Variants in CDH4 observed in about 807,000 individuals in gnomAD.
CDH4 encodes the protein cadherin 4.
In CDH4, 33 loss-of-function variants were observed where a neutral mutation model predicts 86.0. The observed-to-expected ratio is 0.38, with a 90% CI of 0.29 to 0.51. The LOEUF is 0.51. Ranked by LOEUF, CDH4 falls within the 20% of genes least tolerant of loss-of-function variation. The pLI, the probability that CDH4 is intolerant of heterozygous loss-of-function variation, is 0.86. For synonymous variants in CDH4, 555 were observed against 549.4 expected (o/e 1.01, Z -0.14); for missense variants, 1,114 against 1,307.4 (o/e 0.85, Z 2.28).
chr20:61,895,126 C>T lies in CDH4; in HGVS notation c.1188+79C>T, dbSNP rs1447911417. ...ACTGGCGTGCGGCACAGCCTCCTCT[C>T]TCTCTGCGGCTCTGCCTGACGGGCA... On this transcript the variant is annotated intron_variant, in intron 8 of 15. Transcript: ENST00000614565. The T allele has an allele frequency of 2.0e-6, 3 of 1,499,260 alleles. No individual in the cohort carries two copies. The African/African-American group carries it at 4.2e-5, about 21-fold the overall frequency. 92.9% of individuals were successfully genotyped at this position (1,499,260 alleles called of 1,614,324 possible). A position where few individuals can be genotyped will look rare whatever the true frequency, so the allele number is the denominator to read the frequency against.
intron 2 of CDH4, among the ~76,000 whole-genome samples, chr20:61,546,417 G>A (rs1245917752): frequency 3.3e-5 from 5 of 151,764 alleles, no homozygotes; most frequent in African/African-American, 2.4e-5. Context: ...GTGTGTGTGC[G>A]TTAGATGCCC....
At chr20:61,612,886 C>T (rs986482216) in intron 2 of CDH4, among the ~76,000 whole-genome samples, 13 of 152,068 alleles carry the variant, frequency 8.5e-5, no homozygotes, top group African/African-American at 3.1e-4. Context: ...TGGTCTTTGG[C>T]CGTTTCTCTG....
intron 2 of CDH4, among the ~76,000 whole-genome samples, chr20:61,460,135 A>G (rs555492621): frequency 1.3e-5 from 2 of 152,336 alleles, no homozygotes; most frequent in East Asian, 3.9e-4. Flanking sequence ...TGCAAGGTGT[A>G]AAACTCAAGG....
At chr20:61,528,193 T>C (rs1282742917) in intron 2 of CDH4, among the ~76,000 whole-genome samples, 1 of 148,256 alleles carries the variant, frequency 6.7e-6, no homozygotes. Flanking sequence ...TTGGCCAACA[T>C]GGCGAAACCC....
In CDH4 at chr20:61,726,245, G is replaced by T. The variant is rs141223167; in HGVS notation, c.170-17318G>T. On this transcript the variant is annotated intron_variant, in intron 2 of 15. Transcript: ENST00000614565. ...AGGAGCCGAAAAGCAGCTGGGAGCCGCCAGTGACCATTGGCACCAGCACAG... is the reference window on the plus strand; with the variant it reads ...AGGAGCCGAAAAGCAGCTGGGAGCCTCCAGTGACCATTGGCACCAGCACAG... Among the ~76,000 whole-genome samples the T allele has an allele frequency of 1.7e-4, 26 of 152,182 alleles. No individual in the cohort carries two copies. In the East Asian group the frequency reaches 4.7e-3, roughly 27 times the overall value.
chr20:61,323,326 A>G (rs1335834763), intron 2 of CDH4, among the ~76,000 whole-genome samples: 1 of 152,014 alleles, frequency 6.6e-6, no homozygotes, highest in East Asian at 1.9e-4. Context: ...CTCATCACAC[A>G]TTTGTTCATC....
intron 2 of CDH4, chr20:61,600,013 A>C (rs2086587293): frequency 1.1e-6 from 1 of 908,848 alleles, no homozygotes; most frequent in African/African-American, 1.8e-5. Flanking sequence ...ATGATGGGGA[A>C]AGTGTGAAGG....
At chr20:61,284,874 G>A (rs146502208) in intron 2 of CDH4, among the ~76,000 whole-genome samples, 2 of 152,338 alleles carry the variant, frequency 1.3e-5, no homozygotes, top group East Asian at 1.9e-4. Context: ...TGTGACGTAG[G>A]TGAAAAGCAG....
chr20:61,934,943 TCA>T (rs1280029823), intron 15 of CDH4, among the ~76,000 whole-genome samples: 11 of 152,236 alleles, frequency 7.2e-5, no homozygotes, highest in African/African-American at 2.7e-4. Context: ...AGGGCAACAC[TCA>T]GTTTCCACTT....
At chr20:61,577,190 T>C (rs2086388523) in intron 2 of CDH4, among the ~76,000 whole-genome samples, 1 of 152,138 alleles carries the variant, frequency 6.6e-6, no homozygotes, top group South Asian at 2.1e-4. Context: ...GTGTGTGTAC[T>C]GAAGGTTGAG....
intron 2 of CDH4, among the ~76,000 whole-genome samples, chr20:61,473,624 G>C (rs2085518188): frequency 6.6e-6 from 1 of 152,096 alleles, no homozygotes; most frequent in Admixed American, 6.5e-5. Context: ...TATAGTTCTG[G>C]GTTCTGTGAT....
At chr20:61,572,805 G>A (rs549917703) in intron 2 of CDH4, among the ~76,000 whole-genome samples, 5 of 152,112 alleles carry the variant, frequency 3.3e-5, no homozygotes, top group African/African-American at 9.7e-5. Flanking sequence ...TTATACAGAT[G>A]ATTCCTCTTT....
intron 2 of CDH4, among the ~76,000 whole-genome samples, chr20:61,606,993 G>A (rs1003735387): frequency 6.6e-6 from 1 of 152,234 alleles, no homozygotes; most frequent in African/African-American, 2.4e-5. Context: ...GGACAGGGCT[G>A]AGGAGGGATA....
chr20:61,566,464 T>C (rs906974106), intron 2 of CDH4, among the ~76,000 whole-genome samples: 8 of 152,108 alleles, frequency 5.3e-5, no homozygotes, highest in Admixed American at 2.0e-4. Flanking sequence ...AGACTTTCAG[T>C]GGTTGCCAGC....
At chr20:61,760,017 C>A (rs2088613706) in intron 3 of CDH4, among the ~76,000 whole-genome samples, 1 of 152,246 alleles carries the variant, frequency 6.6e-6, no homozygotes, top group African/African-American at 2.4e-5. Flanking sequence ...CCAGAACATT[C>A]TGGAACCTCC....
chr20:61,350,675 C>T (rs1001031948), intron 2 of CDH4, among the ~76,000 whole-genome samples: 10 of 151,528 alleles, frequency 6.6e-5, no homozygotes, highest in Non-Finnish European at 1.0e-4. Context: ...CAGCAGGACA[C>T]CTCTGACCTT....
chr20:61,533,334 G>T (rs115657576), intron 2 of CDH4, among the ~76,000 whole-genome samples: 77 of 152,318 alleles, frequency 5.1e-4, no homozygotes, highest in Non-Finnish European at 8.8e-4. Context: ...AGGACTGCCC[G>T]CCAACTCCGA....
At position 61,621,228 on chromosome 20, in the gene CDH4, C is replaced by T. The variant is rs1032480169; in HGVS notation, c.170-122335C>T. On this transcript the variant is annotated intron_variant, in intron 2 of 15. Coordinates refer to ENST00000614565, the MANE Select transcript of CDH4 (RefSeq NM_001794.5). Reference sequence around the variant, plus strand: ...AATGGACCGCGGTTCCGGTCAGGGCCGGCTGCTAGTGTTGGCTATTTGCTT... The same window carrying T: ...AATGGACCGCGGTTCCGGTCAGGGCTGGCTGCTAGTGTTGGCTATTTGCTT... Among the ~76,000 whole-genome samples, 67 of 152,286 alleles carry T rather than the reference C, an allele frequency of 4.4e-4. 1 individual carries two copies. The highest frequency in any genetic ancestry group is 6.9e-4 in the Non-Finnish European group (47 of 68,032).
intron 6 of CDH4, among the ~76,000 whole-genome samples, chr20:61,861,426 G>A (rs73143175): frequency 0.094 from 14,381 of 152,262 alleles, 786 homozygotes; most frequent in East Asian, 0.15. Flanking sequence ...GCACCGTTCT[G>A]TAACAGTAAA....
Sources: gnomAD v4.1 joint callset for allele counts (sites outside exome capture counted in the v4.1 genomes callset) on GRCh38, gnomAD v4.1.1 for gene constraint, MANE v1.5 for transcripts, NCBI Gene and HGNC (gene_info 2026-07-23, HGNC 2026-07-21) for gene names.